Variants in ICE1 observed in about 807,000 individuals in gnomAD.
The protein encoded by ICE1 is interactor of little elongation complex ELL subunit 1.
Under a neutral mutation model 192.7 loss-of-function variants are expected in ICE1, and 64 were observed. That is an observed-to-expected ratio of 0.33 (90% CI 0.27 to 0.41). The LOEUF (loss-of-function observed/expected upper bound fraction) is 0.41. ICE1 is among the 10% of genes least tolerant of loss of function. The pLI, the probability that ICE1 is intolerant of heterozygous loss-of-function variation, is 1.00. For missense variants in ICE1, 2,708 were observed against 2,696.0 expected, an observed-to-expected ratio of 1.00 and a Z score of -0.10; for synonymous variants, 1,010 against 984.5, an observed-to-expected ratio of 1.03 and a Z score of -0.49.
chr5:5,453,299 A>C (rs1223105983), intron 10 of ICE1, among the ~76,000 whole-genome samples: 1 of 152,090 alleles, frequency 6.6e-6, no homozygotes, highest in Non-Finnish European at 1.5e-5. Flanking sequence ...AGTGGCAATC[A>C]GAAGGTTGTT....
At chr5:5,451,533 A>T (rs568506251) in intron 10 of ICE1, among the ~76,000 whole-genome samples, 8 of 152,260 alleles carry the variant, frequency 5.3e-5, no homozygotes, top group African/African-American at 1.9e-4. Context: ...GAAACAGGTA[A>T]AACTACAGTC....
chr5:5,441,154 A>C lies in ICE1; in HGVS notation c.240A>C (p.Gln80His). ...NLHHQVEEML[Q>H]KISPLQKCQE... is the part of the protein sequence containing the mutation. Reference sequence around the variant, plus strand: ...ATCACCAAGTGGAAGAGATGCTTCAAAAAATTTCTCCTCTACAGAAATGTC... The same window carrying C: ...ATCACCAAGTGGAAGAGATGCTTCACAAAATTTCTCCTCTACAGAAATGTC... The change falls in exon 5 of 19, where the codon CAA becomes CAC. Residue 80 changes from glutamine (Q) to histidine (H), a missense_variant. Gln to His is a conservative substitution (Grantham distance 24). This residue lies in a region of ICE1 where 2,366 missense variants were observed against 2,276.6 expected (regional missense o/e 1.04). Transcript: ENST00000296564. The C allele has an allele frequency of 6.4e-7, 1 of 1,564,748 alleles. No homozygotes were observed. Among genetic ancestry groups the C allele is most frequent in the Non-Finnish European group, 8.7e-7 (1 of 1,153,272 alleles).
chr5:5,429,352 G>A (rs1178438381), intron 1 of ICE1, among the ~76,000 whole-genome samples: 1 of 152,220 alleles, frequency 6.6e-6, no homozygotes, highest in East Asian at 1.9e-4. Flanking sequence ...CCAGAAATCC[G>A]AGTCCTCAGG....
In ICE1 at chr5:5,462,085, G is replaced by A. The variant is rs1738809231; in HGVS notation, c.2751G>A (p.Glu917=). The A allele has an allele frequency of 6.2e-7, 1 of 1,613,770 alleles. No homozygotes were observed. Among genetic ancestry groups the A allele is most frequent in the Non-Finnish European group, 8.5e-7 (1 of 1,179,830 alleles). The change falls in exon 13 of 19, where the codon GAG becomes GAA. Residue 917 remains glutamate (E), a synonymous_variant. Transcript: ENST00000296564. The stretch of plus-strand genomic sequence containing the variant: ...ATGATACAACACAAAACATCACGGA[G>A]GTGGCTGCTGTGAAAAGCATTTCAC... The part of the protein sequence containing the change: ...ERDDTTQNIT[E]VAAVKSISPE...
rs930982184 is a variant in ICE1, at chr5:5,464,922, C to T, written c.5588C>T (p.Thr1863Ile). Residue 1863 changes from threonine to isoleucine, a missense_variant, in exon 13 of 19, where the codon ACT (threonine) becomes ATT (isoleucine). Physicochemically the swap from Thr to Ile is moderately conservative, Grantham distance 89 (BLOSUM62 -1). Transcript: ENST00000296564. The surrounding 1 kb of genome is among the most constrained non-coding windows in gnomAD (Gnocchi z 4.0). ...GSPEPETRGV[T>I]AEGIHKNLPG... ...CCAGAACCAGAAACCAGGGGAGTCA[C>T]TGCAGAAGGAATCCACAAAAACCTC... The T allele has an allele frequency of 3.1e-6, 5 of 1,613,448 alleles. No homozygotes were observed. Among genetic ancestry groups the T allele is most frequent in the African/African-American group, 1.3e-5 (1 of 74,892 alleles).
rs751436315 is a variant in ICE1 at position 5,464,246 on chromosome 5, C to G, written c.4912C>G (p.Pro1638Ala). 6.2e-7 allele frequency: 1 copy of G among 1,613,622 alleles called. No homozygotes were observed. The highest frequency in any genetic ancestry group is 1.1e-5 in the South Asian group (1 of 91,060). Residue 1638 changes from proline to alanine, a missense_variant, in exon 13 of 19, where the codon CCT becomes GCT. Pro to Ala is a conservative substitution (Grantham distance 27). Transcript: ENST00000296564. This position sits in a 1 kb window ranked among gnomAD's most constrained non-coding sequence, Gnocchi z 4.0. ...VGPPLPPLLAPLIATPPRTSQ... is the reference protein window; with the variant it reads ...VGPPLPPLLAALIATPPRTSQ... ...GCCTCCTTTGCCGCCTCTGCTTGCT[C>G]CTCTGATAGCTACACCTCCAAGGAC...
intron 1 of ICE1, among the ~76,000 whole-genome samples, chr5:5,432,603 G>C (rs1737754720): frequency 6.6e-6 from 1 of 152,144 alleles, no homozygotes; most frequent in African/African-American, 2.4e-5. Context: ...AGTTTGCTCA[G>C]CAGCTGCCCC....
At chr5:5,442,855 T>C (rs188953975) in intron 5 of ICE1, among the ~76,000 whole-genome samples, 178 of 152,360 alleles carry the variant, frequency 1.2e-3, no homozygotes, top group African/African-American at 4.0e-3. Context: ...TCTAATATTT[T>C]TTCAGGATAT....
intron 4 of ICE1, among the ~76,000 whole-genome samples, chr5:5,440,143 C>G (rs1328508102): frequency 6.6e-6 from 1 of 152,302 alleles, no homozygotes; most frequent in Non-Finnish European, 1.5e-5. Context: ...CTGGGTGTTT[C>G]ACTTTTGAGT....
chr5:5,471,203 G>A (rs978282825), intron 15 of ICE1, among the ~76,000 whole-genome samples: 1 of 152,138 alleles, frequency 6.6e-6, no homozygotes, highest in East Asian at 1.9e-4. Flanking sequence ...AGACATATAG[G>A]ACACAGAATG....
intron 17 of ICE1, among the ~76,000 whole-genome samples, chr5:5,486,182 T>G (rs971870444): frequency 6.6e-6 from 1 of 152,218 alleles, no homozygotes; most frequent in African/African-American, 2.4e-5. Flanking sequence ...GCTTTTTGAG[T>G]GTGAGCACCT....
At position 5,464,291 on chromosome 5, in the gene ICE1, C is replaced by T. The variant is rs1349242224; in HGVS notation, c.4957C>T (p.Leu1653=). ...PPRTSQPLSP[L]ISSSSPSSPA... ...AAGGACTTCACAGCCACTGTCTCCA[C>T]TGATATCGAGTTCTAGTCCTTCCTC... Residue 1653 remains leucine, a synonymous_variant, in exon 13 of 19, where the codon CTG becomes TTG. Transcript: ENST00000296564. This position sits in a 1 kb window ranked among gnomAD's most constrained non-coding sequence, Gnocchi z 4.0. 4 of 1,613,566 alleles carry T rather than the reference C, an allele frequency of 2.5e-6. No individual in the cohort carries two copies. Among genetic ancestry groups the T allele is most frequent in the Non-Finnish European group, 3.4e-6 (4 of 1,179,836 alleles).
chr5:5,444,318 A>G lies in ICE1; in HGVS notation c.416A>G (p.Lys139Arg). The change falls in exon 7 of 19, where the codon AAG (lysine) becomes AGG (arginine). Residue 139 changes from lysine (K) to arginine (R), a missense_variant. This residue lies in a region of ICE1 where 2,366 missense variants were observed against 2,276.6 expected (regional missense o/e 1.04). Coordinates refer to ENST00000296564, the MANE Select transcript of ICE1 (RefSeq NM_015325.3). ...AAGAAACTAGAAGCTAAGGTGAAGAAGCTGCAAGGTAAGTGGCACTATTGT... is the reference window on the plus strand; with the variant it reads ...AAGAAACTAGAAGCTAAGGTGAAGAGGCTGCAAGGTAAGTGGCACTATTGT... ...QKKKLEAKVK[K>R]LQEAAVKQTQ... The G allele has an allele frequency of 6.4e-7, 1 of 1,567,320 alleles. No individual in the cohort carries two copies. Among genetic ancestry groups the G allele is most frequent in the Non-Finnish European group, 8.7e-7 (1 of 1,154,020 alleles).
At position 5,444,334 on chromosome 5, in the gene ICE1, G is replaced by T; in HGVS notation, c.424+8G>T. On this transcript the variant is annotated splice_region_variant and intron_variant, in intron 7 of 18. Transcript: ENST00000296564. ...AGGTGAAGAAGCTGCAAGGTAAGTG[G>T]CACTATTGTTACCTGAAGTTTTCGG... is the stretch of plus-strand genomic sequence containing the variant. The T allele has an allele frequency of 6.4e-7, 1 of 1,561,988 alleles. No homozygotes were observed. Among genetic ancestry groups the T allele is most frequent in the East Asian group, 2.3e-5 (1 of 42,604 alleles).
intron 17 of ICE1, 107 bp downstream of exon 17, chr5:5,476,186 T>G: frequency 1.7e-6 from 1 of 595,124 alleles, no homozygotes; most frequent in Non-Finnish European, 2.8e-6. Flanking sequence ...AATTTCTGAT[T>G]TTACAACCAT....
Position 5,436,489 on chromosome 5 carries a change from G to C in ICE1, c.143+13G>C, listed in dbSNP as rs750548204. The C allele has an allele frequency of 1.4e-6, 2 of 1,433,436 alleles. No individual in the cohort carries two copies. Among genetic ancestry groups the C allele is most frequent in the African/African-American group, 3.0e-5 (2 of 67,322 alleles). The allele number at this position is 1,433,436 out of a possible 1,614,324, so 88.8% of individuals were successfully genotyped here. A position where few individuals can be genotyped will look rare whatever the true frequency, so the allele number is the denominator to read the frequency against. On this transcript the variant is annotated intron_variant, in intron 2 of 18. Coordinates refer to ENST00000296564, the MANE Select transcript of ICE1 (RefSeq NM_015325.3). ...TTATCAATACAGAGTAAGTATATTT[G>C]CATGTCGTTTGGCAGAACTTTGTAA...
intron 1 of ICE1, among the ~76,000 whole-genome samples, chr5:5,431,236 A>G (rs1476293411): frequency 6.6e-6 from 1 of 152,234 alleles, no homozygotes; most frequent in Non-Finnish European, 1.5e-5. Context: ...AATGGGAGAA[A>G]AAAGAGGAAG....
chr5:5,451,253 T>C (rs1303832146), intron 10 of ICE1, among the ~76,000 whole-genome samples: 1 of 152,188 alleles, frequency 6.6e-6, no homozygotes, highest in Non-Finnish European at 1.5e-5. Context: ...TTAAAATCTT[T>C]AAGATATAGC....
chr5:5,479,745 C>T (rs760577453), intron 17 of ICE1, among the ~76,000 whole-genome samples: 4 of 152,160 alleles, frequency 2.6e-5, no homozygotes, highest in African/African-American at 9.7e-5. Flanking sequence ...ACATAATATA[C>T]CATGGAATAC....
Sources: allele counts gnomAD v4.1 joint callset (sites outside exome capture counted in the v4.1 genomes callset), GRCh38; gene constraint gnomAD v4.1.1; regional missense constraint gnomAD v4.1.1; non-coding constraint Gnocchi (gnomAD v3.1); transcripts MANE v1.5; gene names NCBI Gene and HGNC (gene_info 2026-07-23, HGNC 2026-07-21).